Variants in ADAMTSL3 observed in about 807,000 individuals in gnomAD.
ADAMTSL3 encodes the protein ADAMTS like 3, also known as ADAMTS-like protein 3.
In ADAMTSL3, 128 loss-of-function variants were observed where a neutral mutation model predicts 201.7. The ratio of observed to expected loss-of-function variants is 0.63; its 90% confidence interval spans 0.55 to 0.73. The LOEUF is 0.73. Among genes scored for constraint, ADAMTSL3 ranks in the 30% least tolerant of loss-of-function variants. ADAMTSL3 has a pLI of 0.00. For synonymous variants in ADAMTSL3, 738 were observed against 748.4 expected (o/e 0.99, Z 0.23); for missense variants, 1,990 against 2,119.6 (o/e 0.94, Z 1.20).
chr15:83,693,346 C>G (rs1369619023), intron 2 of ADAMTSL3, among the ~76,000 whole-genome samples: 1 of 152,242 alleles, frequency 6.6e-6, no homozygotes, highest in East Asian at 1.9e-4. Flanking sequence ...CCCCACTGGT[C>G]CAGGAGGCAG....
intron 26 of ADAMTSL3, among the ~76,000 whole-genome samples, chr15:84,023,979 G>T (rs769117870): frequency 1.5e-4 from 23 of 152,208 alleles, no homozygotes; most frequent in Non-Finnish European, 2.9e-4. Context: ...TATATCGCCG[G>T]GCGCAGTGGC....
intron 3 of ADAMTSL3, among the ~76,000 whole-genome samples, chr15:83,747,300 G>A (rs1312030937): frequency 1.3e-5 from 2 of 152,144 alleles, no homozygotes; most frequent in African/African-American, 4.8e-5. Flanking sequence ...TCTGCTGCTC[G>A]TCTTTCACTT....
At position 83,870,860 on chromosome 15, in the gene ADAMTSL3, C is replaced by A. The variant is rs757715678; in HGVS notation, c.861C>A (p.Gly287=). ...GAGAACACAGCTTTAACAGCCCCGG[C>A]GTCTTTCTCGTAGAAAACACAACAG... ...SKGEHSFNSP[G]VFLVENTTVE... Residue 287 remains glycine, a synonymous_variant, in exon 9 of 30, where the codon GGC becomes GGA. Transcript: ENST00000286744. 1.1e-5 allele frequency: 17 copies of A among 1,613,232 alleles called. No individual in the cohort carries two copies. The highest frequency in any genetic ancestry group is 2.2e-5 in the East Asian group (1 of 44,848).
chr15:83,692,995 G>A (rs76090427), intron 2 of ADAMTSL3, among the ~76,000 whole-genome samples: 10,231 of 152,248 alleles, frequency 0.067, 551 homozygotes, highest in East Asian at 0.17. Flanking sequence ...TGTCCCCGAC[G>A]TGTTTCTGGA....
intron 6 of ADAMTSL3, 124 bp downstream of exon 6, chr15:83,820,171 G>C: frequency 1.3e-6 from 1 of 779,150 alleles, no homozygotes; most frequent in Non-Finnish European, 2.1e-6. Context: ...GGCCAGGTAC[G>C]GTGGCTTACA....
At chr15:83,866,152 C>T (rs374258623) in intron 8 of ADAMTSL3, among the ~76,000 whole-genome samples, 6 of 152,346 alleles carry the variant, frequency 3.9e-5, no homozygotes, top group Non-Finnish European at 7.3e-5. Context: ...CACTTTTACA[C>T]TGTTGGTGGA....
intron 7 of ADAMTSL3, among the ~76,000 whole-genome samples, chr15:83,848,545 A>G (rs2064547615): frequency 6.6e-6 from 1 of 152,208 alleles, no homozygotes; most frequent in South Asian, 2.1e-4. Context: ...AGTGATTGCA[A>G]AATCAAACAA....
rs190190877 is a variant in ADAMTSL3, at chr15:83,740,095, C to T, written c.190-33428C>T. On this transcript the variant is annotated intron_variant, in intron 3 of 29. Transcript: ENST00000286744. Reference sequence around the variant, plus strand: ...GGAATACCTATGCCAGTAACTGTGCCGGTGGCCACTTACACCATTGGCAAG... The same window carrying T: ...GGAATACCTATGCCAGTAACTGTGCTGGTGGCCACTTACACCATTGGCAAG... 189 of 287,208 alleles carry T rather than the reference C, an allele frequency of 6.6e-4. 2 individuals are homozygous for T. In the East Asian group the frequency reaches 0.013, roughly 20 times the overall value. 17.8% of individuals were successfully genotyped at this position (287,208 alleles called of 1,614,324 possible).
chr15:83,754,054 A>G lies in ADAMTSL3; in HGVS notation c.190-19469A>G, dbSNP rs140070639. 2.4e-4 allele frequency among the ~76,000 whole-genome samples: 36 copies of G among 152,278 alleles called. No individual in the cohort carries two copies. The East Asian group carries it at 6.8e-3, about 29-fold the overall frequency. ...TAGAAAGAACAGGTTTCTCCACCTC[A>G]CCACTGTTGACATTTTAGGTCAGAT... On this transcript the variant is annotated intron_variant, in intron 3 of 29. Coordinates refer to ENST00000286744, the MANE Select transcript of ADAMTSL3 (RefSeq NM_207517.3).
At chr15:83,979,138 G>A (rs1031217513) in intron 20 of ADAMTSL3, among the ~76,000 whole-genome samples, 1 of 152,214 alleles carries the variant, frequency 6.6e-6, no homozygotes, top group Non-Finnish European at 1.5e-5. Context: ...GTTTCCCCAT[G>A]TGTGCTTCCG....
chr15:83,875,395 G>C (rs957601373), intron 9 of ADAMTSL3, among the ~76,000 whole-genome samples: 4 of 152,204 alleles, frequency 2.6e-5, no homozygotes, highest in African/African-American at 7.2e-5. Context: ...ACCCAGAACT[G>C]GGGCTGTTGG....
intron 23 of ADAMTSL3, among the ~76,000 whole-genome samples, chr15:83,996,751 A>C (rs1027964102): frequency 7.3e-6 from 1 of 137,380 alleles, no homozygotes; most frequent in African/African-American, 2.8e-5. Flanking sequence ...ACTGCACTCC[A>C]GCCTGGGCAA....
chr15:83,919,072 T>A (rs1184453714), intron 16 of ADAMTSL3, among the ~76,000 whole-genome samples: 2 of 152,136 alleles, frequency 1.3e-5, no homozygotes, highest in Non-Finnish European at 2.9e-5. Flanking sequence ...ACCCATGAGT[T>A]CATTTGTGAA....
At chr15:83,947,974 A>G (rs2066685716) in intron 19 of ADAMTSL3, among the ~76,000 whole-genome samples, 1 of 152,170 alleles carries the variant, frequency 6.6e-6, no homozygotes. Context: ...CTGTCTTCCA[A>G]CACTTATGAT....
intron 21 of ADAMTSL3, among the ~76,000 whole-genome samples, chr15:83,986,196 A>G (rs1314796475): frequency 6.6e-6 from 1 of 152,222 alleles, no homozygotes; most frequent in Non-Finnish European, 1.5e-5. Flanking sequence ...TGCTTTGAAG[A>G]CTGCTAACTT....
chr15:83,973,027 T>A (rs2067223638), intron 20 of ADAMTSL3, among the ~76,000 whole-genome samples: 1 of 152,074 alleles, frequency 6.6e-6, no homozygotes, highest in African/African-American at 2.4e-5. Context: ...AAGACACTCT[T>A]CACCCTTCTT....
chr15:83,971,661 C>A (rs1284545525), intron 20 of ADAMTSL3, among the ~76,000 whole-genome samples: 1 of 150,582 alleles, frequency 6.6e-6, no homozygotes, highest in South Asian at 2.1e-4. Flanking sequence ...GAAAAGCAGG[C>A]AGCAGAGTGG....
intron 3 of ADAMTSL3, among the ~76,000 whole-genome samples, chr15:83,724,953 C>A (rs2062152031): frequency 6.6e-6 from 1 of 151,842 alleles, no homozygotes; most frequent in South Asian, 2.1e-4. Flanking sequence ...ATCCATTCAT[C>A]TGTTCATGGA....
At chr15:83,985,840 G>T (rs1410151141) in intron 21 of ADAMTSL3, among the ~76,000 whole-genome samples, 2 of 152,124 alleles carry the variant, frequency 1.3e-5, no homozygotes, top group African/African-American at 2.4e-5. Context: ...ATGTTGGCCA[G>T]GTTGGTCTTG....
Sources: gnomAD v4.1 joint callset for allele counts (sites outside exome capture counted in the v4.1 genomes callset) on GRCh38, gnomAD v4.1.1 for gene constraint, MANE v1.5 for transcripts, NCBI Gene and HGNC (gene_info 2026-07-23, HGNC 2026-07-21) for gene names.